Variants in SWT1 observed in about 807,000 individuals in gnomAD.
SWT1 encodes transcriptional protein SWT1.
SWT1 carries 33 observed loss-of-function variants against 107.3 expected under a neutral mutation model. That is an observed-to-expected ratio of 0.31 (90% confidence interval 0.23 to 0.41). The LOEUF (loss-of-function observed/expected upper bound fraction) is 0.41, where lower values mean the gene tolerates loss of function less well. Among genes scored for constraint, SWT1 ranks in the 10% least tolerant of loss-of-function variants. The probability of loss-of-function intolerance (pLI) is 1.00; values close to 1 mark genes in which losing one functional copy is unlikely to be tolerated. For missense variants in SWT1, 898 were observed against 1,028.9 expected (o/e 0.87, Z 1.74); for synonymous variants, 345 against 348.3 (o/e 0.99, Z 0.11).
intron 8 of SWT1, 140 bp from the exon 9 acceptor site, chr1:185,184,603 A>G: frequency 1.7e-6 from 1 of 598,424 alleles, no homozygotes; most frequent in South Asian, 2.4e-5. Context: ...TCCATTTTAT[A>G]ATATATTGTC....
rs79875803 is a variant in SWT1, at chr1:185,261,065, T to G, written c.2442-10258T>G. ...TTCTTAACCATTTTTAAGTATACGG[T>G]TTAGTGGCATTGAGAACATTCCTGC... On this transcript the variant is annotated intron_variant, in intron 16 of 18. Transcript: ENST00000367500. 5.5e-3 allele frequency among the ~76,000 whole-genome samples: 839 copies of G among 152,250 alleles called. 35 individuals are homozygous for G. In the East Asian group the frequency reaches 0.093, roughly 17 times the overall value.
chr1:185,229,247 T>C (rs1459163036), intron 15 of SWT1, among the ~76,000 whole-genome samples: 5 of 152,046 alleles, frequency 3.3e-5, no homozygotes, highest in Admixed American at 2.6e-4. Context: ...GGAGAGATGA[T>C]AAGAATTGGT....
chr1:185,269,940 C>T (rs943157430), intron 16 of SWT1, among the ~76,000 whole-genome samples: 2 of 152,142 alleles, frequency 1.3e-5, no homozygotes, highest in Non-Finnish European at 2.9e-5. Flanking sequence ...TTTCAATTTA[C>T]GATGGGTTTA....
At chr1:185,195,145 C>T (rs1275267115) in intron 10 of SWT1, among the ~76,000 whole-genome samples, 1 of 152,154 alleles carries the variant, frequency 6.6e-6, no homozygotes, top group Non-Finnish European at 1.5e-5. Flanking sequence ...CTATCCTTCC[C>T]CTATCCCTCA....
chr1:185,162,361 C>T (rs72741816), intron 2 of SWT1, among the ~76,000 whole-genome samples: 6,851 of 152,232 alleles, frequency 0.045, 223 homozygotes, highest in East Asian at 0.11. Flanking sequence ...ACCTTCTCCT[C>T]GAAACACTTT....
chr1:185,221,784 C>G, intron 14 of SWT1, 65 bp from the exon 15 acceptor site: 1 of 1,142,610 alleles, frequency 8.8e-7, no homozygotes, highest in Non-Finnish European at 1.2e-6. Flanking sequence ...GCACAGTTGC[C>G]ACTCTCTTTT....
At chr1:185,232,014 A>G (rs551355113) in intron 16 of SWT1, among the ~76,000 whole-genome samples, 46 of 152,236 alleles carry the variant, frequency 3.0e-4, no homozygotes, top group African/African-American at 1.1e-3. Context: ...AGTTTGAAAA[A>G]CTTGAATTTT....
chr1:185,195,363 G>T (rs1305528222), intron 10 of SWT1, among the ~76,000 whole-genome samples: 2 of 152,176 alleles, frequency 1.3e-5, no homozygotes, highest in Non-Finnish European at 2.9e-5. Flanking sequence ...ATTCCATGGT[G>T]TATATGTGCC....
intron 15 of SWT1, chr1:185,227,203 C>T: frequency 2.3e-6 from 2 of 851,962 alleles, no homozygotes; most frequent in Non-Finnish European, 4.0e-6. Context: ...CCATCCACAG[C>T]TCCCTTCAGG....
At chr1:185,254,387 C>T (rs931134706) in intron 16 of SWT1, among the ~76,000 whole-genome samples, 12 of 130,764 alleles carry the variant, frequency 9.2e-5, no homozygotes, top group Non-Finnish European at 1.6e-4. Flanking sequence ...TGGTAGAATT[C>T]GGCTGTGAAT....
chr1:185,248,189 G>C (rs1350593460), intron 16 of SWT1, among the ~76,000 whole-genome samples: 1 of 152,204 alleles, frequency 6.6e-6, no homozygotes, highest in Non-Finnish European at 1.5e-5. Context: ...GGTATCTGTA[G>C]TTCAGTGTGT....
chr1:185,284,840 C>T (rs1242049076), intron 18 of SWT1, among the ~76,000 whole-genome samples: 1 of 151,532 alleles, frequency 6.6e-6, no homozygotes, highest in Non-Finnish European at 1.5e-5. Context: ...ATTCCAGTGC[C>T]TCTCTGGACC....
chr1:185,211,482 T>C (rs1658801635), intron 13 of SWT1, among the ~76,000 whole-genome samples: 1 of 152,188 alleles, frequency 6.6e-6, no homozygotes, highest in African/African-American at 2.4e-5. Flanking sequence ...GTAGAAGTTG[T>C]TTATTAGGGA....
chr1:185,175,239 T>C (rs1309172934), intron 5 of SWT1, 126 bp downstream of exon 5: 1 of 903,244 alleles, frequency 1.1e-6, no homozygotes, highest in South Asian at 2.7e-5. Flanking sequence ...TTTTTTGTTT[T>C]TGAGACAGGG....
chr1:185,162,267 G>A (rs1415151519), intron 2 of SWT1, among the ~76,000 whole-genome samples: 1 of 152,188 alleles, frequency 6.6e-6, no homozygotes, highest in Non-Finnish European at 1.5e-5. Flanking sequence ...CTATAGCAGT[G>A]GTTTCTGTGT....
intron 1 of SWT1, among the ~76,000 whole-genome samples, chr1:185,159,648 A>G (rs1211055233): frequency 6.6e-6 from 1 of 152,218 alleles, no homozygotes; most frequent in African/African-American, 2.4e-5. Flanking sequence ...ACAAGCAAGT[A>G]TGTATGTAGA....
chr1:185,218,534 C>G (rs1007866254), intron 14 of SWT1, among the ~76,000 whole-genome samples: 2 of 152,106 alleles, frequency 1.3e-5, no homozygotes, highest in Non-Finnish European at 2.9e-5. Flanking sequence ...TGGTCTTGAA[C>G]TCCTGGCCTC....
At chr1:185,231,469 A>G in intron 15 of SWT1, 108 bp from the exon 16 acceptor site, 2 of 795,676 alleles carry the variant, frequency 2.5e-6, no homozygotes, top group South Asian at 3.1e-5. Flanking sequence ...ATTCTGAGAG[A>G]TTAGTGATAA....
chr1:185,203,403 C>T (rs1004191175), intron 11 of SWT1, among the ~76,000 whole-genome samples: 2 of 151,980 alleles, frequency 1.3e-5, no homozygotes, highest in African/African-American at 4.8e-5. Flanking sequence ...GCGGGTGGAT[C>T]ACCTGAGGAG....
Sources: allele counts gnomAD v4.1 joint callset (sites outside exome capture counted in the v4.1 genomes callset), GRCh38; gene constraint gnomAD v4.1.1; transcripts MANE v1.5; gene names NCBI Gene and HGNC (gene_info 2026-07-23, HGNC 2026-07-21).